WDR45: variants seen among roughly 807,000 people sequenced by gnomAD.
WDR45 encodes the protein WD repeat domain phosphoinositide-interacting protein 4.
In WDR45, 2 loss-of-function variants were observed where a neutral mutation model predicts 27.3. That is an observed-to-expected ratio of 0.07 (90% CI 0.03 to 0.23). The LOEUF (loss-of-function observed/expected upper bound fraction) is 0.23, where lower values mean the gene tolerates loss of function less well. Ranked by LOEUF, WDR45 falls within the 10% of genes least tolerant of loss-of-function variation. WDR45 has a pLI of 1.00. For synonymous variants in WDR45, 99 were observed against 119.2 expected, an observed-to-expected ratio of 0.83 and a Z score of 1.11; for missense variants, 175 against 311.9, an observed-to-expected ratio of 0.56 and a Z score of 3.31.
chrX:49,086,678 C>T (rs1226496218), intron 2 of WDR45, among the ~76,000 whole-genome samples: 3 of 111,146 alleles, frequency 2.7e-5, no homozygotes, highest in African/African-American at 6.5e-5. Flanking sequence ...ACTGCAGCCT[C>T]CGTCTCCTGG....
chrX:49,086,890 G>T (rs1420673648), intron 2 of WDR45, among the ~76,000 whole-genome samples: 1 of 109,131 alleles, frequency 9.2e-6, no homozygotes, highest in Non-Finnish European at 1.9e-5. Flanking sequence ...ACTGTGCCCA[G>T]CCTCCTTTTT....
chrX:49,074,934 A>G, intron 10 of WDR45, 22 bp from the exon 11 acceptor site: 1 of 1,163,679 alleles, frequency 8.6e-7, no homozygotes, highest in Non-Finnish European at 1.2e-6. Flanking sequence ...GGGGTGGTAA[A>G]AGGTCAGAGG....
chrX:49,075,336 C>T (rs1569523449), intron 9 of WDR45, 28 bp downstream of exon 9: 2 of 1,207,260 alleles, frequency 1.7e-6, no homozygotes, highest in South Asian at 1.8e-5. Flanking sequence ...GGGACAGGGA[C>T]ACGGTAGGGT....
intron 9 of WDR45, 36 bp downstream of exon 9, chrX:49,075,328 G>C (rs1557083935): frequency 8.3e-7 from 1 of 1,208,583 alleles, no homozygotes; most frequent in Non-Finnish European, 1.1e-6. Flanking sequence ...TGGGCAGGGG[G>C]ACAGGGACAC....
chrX:49,076,133 G>A (rs1199280191), intron 6 of WDR45, 188 bp from the exon 7 acceptor site: 14 of 471,038 alleles, frequency 3.0e-5, no homozygotes, highest in Admixed American at 2.7e-4. Context: ...CTGCAGCTGT[G>A]GAATCTAGTA....
In WDR45 at chrX:49,075,492, C is replaced by T. The variant is rs189176551; in HGVS notation, c.726-27G>A. On this transcript the variant is annotated intron_variant, in intron 8 of 10. Coordinates refer to ENST00000376372, the MANE Select transcript of WDR45 (RefSeq NM_001029896.2). ...TAGAAGACAGATCAGCAGTGATGCC[C>T]ACATGTCATGTGGTATGGGGTCACC... is the stretch of plus-strand genomic sequence containing the variant. 2.9e-5 allele frequency: 35 copies of T among 1,208,863 alleles called. No homozygotes were observed. The East Asian group carries it at 9.8e-4, about 34-fold the overall frequency.
At chrX:49,082,972 C>T (rs889639360), upstream of WDR45, among the ~76,000 whole-genome samples, 23 of 108,665 alleles carry the variant, frequency 2.1e-4, no homozygotes, top group African/African-American at 6.7e-4. Context: ...CTCCGCCTCC[C>T]GGGTTCAAGC....
chrX:49,099,190 G>A (rs2065136396), intron 2 of WDR45, among the ~76,000 whole-genome samples: 1 of 110,352 alleles, frequency 9.1e-6, no homozygotes, highest in African/African-American at 3.3e-5. Context: ...TGGGCGTGGT[G>A]GTGCGTGCCT....
At chrX:49,093,281 C>G (rs1489041411) in intron 2 of WDR45, among the ~76,000 whole-genome samples, 4 of 108,941 alleles carry the variant, frequency 3.7e-5, no homozygotes, top group Non-Finnish European at 7.6e-5. Flanking sequence ...CACTATGTTG[C>G]CCAGGCTATA....
In WDR45 at chrX:49,074,784, A is replaced by T. The variant is rs372576067; in HGVS notation, c.*19T>A. On this transcript the variant is annotated 3_prime_UTR_variant, in exon 11 of 11. Transcript: ENST00000376372. Reference sequence around the variant, plus strand: ...TGCAGTTCTGCCACTGCAGGTCCCTAGCACAGCCCCCAGGGTCCTTAAAAG... The same window carrying T: ...TGCAGTTCTGCCACTGCAGGTCCCTTGCACAGCCCCCAGGGTCCTTAAAAG... The T allele has an allele frequency of 3.3e-4, 395 of 1,181,291 alleles. No homozygotes were observed. Among genetic ancestry groups the T allele is most frequent in the Middle Eastern group, 9.2e-4 (3 of 3,273 alleles).
intron 2 of WDR45, among the ~76,000 whole-genome samples, chrX:49,097,146 T>C (rs1557087434): frequency 8.9e-6 from 1 of 112,086 alleles, no homozygotes; most frequent in African/African-American, 3.2e-5. Flanking sequence ...AATAGACCCA[T>C]TCTTTTATTA....
upstream of WDR45, chrX:49,080,205 C>T (rs958204681): frequency 8.9e-6 from 1 of 112,351 alleles, no homozygotes; most frequent in Non-Finnish European, 1.9e-5. Flanking sequence ...GTAAACCTTC[C>T]CTGCTAACAA....
Position 49,089,171 on chromosome X carries a change from C to T in WDR45, c.-18+11034G>A, listed in dbSNP as rs187934662. ...GGCGTGGTGGCGCACGCCTGTAATC[C>T]CAGCTACTCAAGAGGCTGAGGTGGC... On this transcript the variant is annotated intron_variant, in intron 2 of 11. Coordinates refer to the WDR45 transcript ENST00000356463. Among the ~76,000 whole-genome samples, 64 of 110,725 alleles carry T rather than the reference C, an allele frequency of 5.8e-4. 3 individuals carry two copies. In the South Asian group the frequency reaches 0.014, roughly 25 times the overall value.
At chrX:49,078,720 C>T (rs940010654) in intron 1 of WDR45, among the ~76,000 whole-genome samples, 1 of 112,227 alleles carries the variant, frequency 8.9e-6, no homozygotes, top group Non-Finnish European at 1.9e-5. Context: ...GGGGTGCCCC[C>T]GTGATATCTC....
chrX:49,077,045 G>A, intron 4 of WDR45: 1 of 316,052 alleles, frequency 3.2e-6, no homozygotes, highest in Non-Finnish European at 5.6e-6. Flanking sequence ...ACTCAGGCCT[G>A]TAACTTCCCC....
At chrX:49,078,006 C>G (rs782109226) in intron 2 of WDR45, 35 bp downstream of exon 2, 1 of 1,211,608 alleles carries the variant, frequency 8.3e-7, no homozygotes, top group Admixed American at 2.2e-5. Flanking sequence ...TTCCTCGCTT[C>G]CTCCCACAAG....
intron 2 of WDR45, among the ~76,000 whole-genome samples, chrX:49,096,005 G>C (rs1557087252): frequency 1.0e-5 from 1 of 96,321 alleles, no homozygotes; most frequent in East Asian, 3.4e-4. Flanking sequence ...TCCTGACCTT[G>C]TGATCCACCC....
At chrX:49,101,144 C>T (rs1557088057), upstream of WDR45, 1 of 112,575 alleles carries the variant, frequency 8.9e-6, no homozygotes, top group Non-Finnish European at 1.9e-5. Context: ...CGTAAAAGCA[C>T]GACTTTCCCG....
chrX:49,088,388 C>T (rs1442803749), intron 2 of WDR45, among the ~76,000 whole-genome samples: 3 of 111,444 alleles, frequency 2.7e-5, no homozygotes, highest in Admixed American at 9.7e-5. Context: ...GCCTGGGCAA[C>T]AAGAGCAAAA....
Sources: allele counts gnomAD v4.1 joint callset (sites outside exome capture counted in the v4.1 genomes callset), GRCh38; gene constraint gnomAD v4.1.1; transcripts MANE v1.5; gene names NCBI Gene and HGNC (gene_info 2026-07-23, HGNC 2026-07-21).